The following CFAP44 variants were observed in gnomAD, a reference collection of about 807,000 sequenced individuals.
The protein encoded by CFAP44 is cilia- and flagella-associated protein 44.
Under a neutral mutation model 216.2 loss-of-function variants are expected in CFAP44, and 134 were observed. That is an observed-to-expected ratio of 0.62 (90% CI 0.54 to 0.72). The LOEUF is 0.72. CFAP44 is among the 30% of genes least tolerant of loss of function. The pLI is 0.00. For missense variants in CFAP44, 2,035 were observed against 2,182.1 expected (o/e 0.93, Z 1.34); for synonymous variants, 700 against 727.6 (o/e 0.96, Z 0.61).
chr3:113,421,214 T>G (rs1934806719), intron 4 of CFAP44, among the ~76,000 whole-genome samples: 2 of 152,126 alleles, frequency 1.3e-5, no homozygotes, highest in African/African-American at 4.8e-5. Flanking sequence ...AAAGAAGACA[T>G]GCAAGCGACC....
intron 24 of CFAP44, among the ~76,000 whole-genome samples, chr3:113,339,038 G>A (rs897769456): frequency 1.7e-4 from 26 of 152,278 alleles, no homozygotes; most frequent in African/African-American, 6.0e-4. Context: ...CAAAAGTCTG[G>A]ATTGCCTTGC....
chr3:113,313,106 C>CA (rs995625633), intron 28 of CFAP44, among the ~76,000 whole-genome samples: 2 of 152,116 alleles, frequency 1.3e-5, no homozygotes, highest in Non-Finnish European at 2.9e-5. Context: ...CGCAGACGCT[C>CA]AATGCCAGCC....
intron 13 of CFAP44, 108 bp from the exon 14 acceptor site, chr3:113,396,835 T>C (rs891903225): frequency 3.6e-5 from 39 of 1,097,766 alleles, no homozygotes; most frequent in South Asian, 2.2e-4. Context: ...TGGCTGCCCA[T>C]TGGCAATTCT....
At chr3:113,318,734 A>C (rs1478953905) in intron 28 of CFAP44, among the ~76,000 whole-genome samples, 1 of 152,162 alleles carries the variant, frequency 6.6e-6, no homozygotes, top group Non-Finnish European at 1.5e-5. Flanking sequence ...ACCTCTGAGC[A>C]GAAATCTTAC....
chr3:113,429,706 T>G (rs954481493), intron 2 of CFAP44, among the ~76,000 whole-genome samples: 1 of 152,154 alleles, frequency 6.6e-6, no homozygotes, highest in Non-Finnish European at 1.5e-5. Flanking sequence ...GTTTTTCTCC[T>G]CCTACCTGTC....
intron 7 of CFAP44, 142 bp from the exon 8 acceptor site, chr3:113,407,183 T>A (rs889719465): frequency 2.8e-6 from 2 of 704,510 alleles, no homozygotes; most frequent in Non-Finnish European, 4.8e-6. Context: ...ATTTATTAAG[T>A]ATCTACTACC....
intron 6 of CFAP44, among the ~76,000 whole-genome samples, chr3:113,414,995 G>GTTT (rs141093042): frequency 6.6e-5 from 10 of 151,432 alleles, no homozygotes; most frequent in South Asian, 2.1e-4. Context: ...TGGTCCTGGA[G>GTTT]TTTTTTTTGG....
intron 32 of CFAP44, among the ~76,000 whole-genome samples, chr3:113,299,845 T>G (rs890063390): frequency 2.1e-4 from 32 of 152,096 alleles, no homozygotes; most frequent in African/African-American, 7.2e-4. Context: ...CTGGGCAACA[T>G]AGCAAGATCC....
intron 4 of CFAP44, among the ~76,000 whole-genome samples, chr3:113,421,994 AT>A (rs201747437): frequency 1.2e-4 from 19 of 152,156 alleles, no homozygotes; most frequent in African/African-American, 4.1e-4. Flanking sequence ...AAATAAATAT[AT>A]TTTTTTAAAA....
chr3:113,409,096 C>T lies in CFAP44; in HGVS notation c.890+10G>A, dbSNP rs780258914. On this transcript the variant is annotated intron_variant, in intron 7 of 34. Transcript: ENST00000393845. ...TATCTACTGGCACCTCTATTGGTTA[C>T]CCAACCTACTTGATGTGGCCTGATC... 1.3e-6 allele frequency: 2 copies of T among 1,599,226 alleles called. No individual in the cohort carries two copies. Among genetic ancestry groups the T allele is most frequent in the Non-Finnish European group, 1.7e-6 (2 of 1,171,306 alleles).
intron 24 of CFAP44, among the ~76,000 whole-genome samples, chr3:113,340,744 G>A (rs1040980289): frequency 2.6e-5 from 4 of 152,226 alleles, no homozygotes; most frequent in African/African-American, 7.2e-5. Context: ...TAGGCAGCCT[G>A]TGTTAACCAG....
intron 15 of CFAP44, among the ~76,000 whole-genome samples, chr3:113,389,846 G>C (rs1017630995): frequency 6.6e-6 from 1 of 151,986 alleles, no homozygotes; most frequent in African/African-American, 2.4e-5. Context: ...TGAGTAATGA[G>C]ATCAAAGCCA....
intron 21 of CFAP44, chr3:113,361,095 T>C (rs529384026): frequency 1.6e-4 from 35 of 223,144 alleles, no homozygotes; most frequent in Admixed American, 5.1e-4. Context: ...ACTTGGTTAG[T>C]GGTTTTGTGA....
At chr3:113,376,189 C>T (rs924086474) in intron 17 of CFAP44, among the ~76,000 whole-genome samples, 76 of 152,210 alleles carry the variant, frequency 5.0e-4, no homozygotes, top group African/African-American at 1.6e-3. Flanking sequence ...TCCTTAATAA[C>T]GTCGAGGTTT....
intron 28 of CFAP44, among the ~76,000 whole-genome samples, chr3:113,315,527 C>T (rs1950078256): frequency 1.3e-5 from 2 of 152,126 alleles, no homozygotes. Flanking sequence ...AGAACAACTA[C>T]ATAGAAAAGC....
intron 3 of CFAP44, among the ~76,000 whole-genome samples, 188 bp from the exon 4 acceptor site, chr3:113,426,465 G>A (rs952486906): frequency 1.3e-5 from 2 of 152,084 alleles, no homozygotes; most frequent in African/African-American, 4.8e-5. Flanking sequence ...CACAAGATCT[G>A]ATGTTGTATA....
chr3:113,404,084 AG>A, intron 8 of CFAP44, 68 bp from the exon 9 acceptor site: 1 of 1,392,430 alleles, frequency 7.2e-7, no homozygotes, highest in Non-Finnish European at 9.4e-7. Context: ...TGCCTCAAAT[AG>A]TAGGTGAAAA....
At chr3:113,371,293 C>A (rs1370842041) in intron 18 of CFAP44, among the ~76,000 whole-genome samples, 3 of 152,130 alleles carry the variant, frequency 2.0e-5, no homozygotes, top group Non-Finnish European at 1.5e-5. Context: ...AGCAAAAGAA[C>A]AAAGCTGGAG....
At chr3:113,436,234 CTG>C (rs1198068602) in intron 1 of CFAP44, among the ~76,000 whole-genome samples, 8 of 146,540 alleles carry the variant, frequency 5.5e-5, no homozygotes, top group South Asian at 2.2e-4. Flanking sequence ...CAGTGAGTAA[CTG>C]TTTTTTTTTT....
Sources: gnomAD v4.1 joint callset for allele counts (sites outside exome capture counted in the v4.1 genomes callset) on GRCh38, gnomAD v4.1.1 for gene constraint, MANE v1.5 for transcripts, NCBI Gene and HGNC (gene_info 2026-07-23, HGNC 2026-07-21) for gene names.